Variants in HCFC2 observed in about 807,000 individuals in gnomAD.
The protein encoded by HCFC2 is host cell factor 2.
A neutral mutation model predicts 89.2 loss-of-function variants in HCFC2; 18 were observed. That is an observed-to-expected ratio of 0.20 (90% CI 0.14 to 0.30). The LOEUF (loss-of-function observed/expected upper bound fraction) is 0.30, where lower values mean the gene tolerates loss of function less well. Among genes scored for constraint, HCFC2 ranks in the 10% least tolerant of loss-of-function variants. The pLI is 1.00. For synonymous variants in HCFC2, 308 were observed against 335.7 expected, an observed-to-expected ratio of 0.92 and a Z score of 0.90; for missense variants, 578 against 956.1, an observed-to-expected ratio of 0.60 and a Z score of 5.21.
intron 3 of HCFC2, among the ~76,000 whole-genome samples, chr12:104,074,876 A>G (rs998290601): frequency 2.6e-5 from 4 of 152,210 alleles, no homozygotes; most frequent in African/African-American, 7.2e-5. Context: ...ATATTTAAAT[A>G]ACTTAATTCC....
In HCFC2 at chr12:104,093,153, T is replaced by C. The variant is rs534536062; in HGVS notation, c.1285-233T>C. ...TTTTTTCCTCAAAATATACTCTCCC[T>C]TTCCTCTTCAAAACTGATCTTTTGA... On this transcript the variant is annotated intron_variant, in intron 9 of 14. Transcript: ENST00000229330. Among the ~76,000 whole-genome samples the C allele has an allele frequency of 6.2e-3, 939 of 152,316 alleles. 8 individuals are homozygous for C. Among genetic ancestry groups the C allele is most frequent in the Non-Finnish European group, 9.9e-3 (674 of 68,018 alleles).
In HCFC2 at chr12:104,067,899, TGC is replaced by T. The variant is rs754834590; in HGVS notation, c.313-47_313-46del. On this transcript the variant is annotated intron_variant, in intron 2 of 14. Coordinates refer to ENST00000229330, the MANE Select transcript of HCFC2 (RefSeq NM_013320.3). ...TGTTGCACTATTGACAATATAGGAG[TGC>T]TTTCTTGATTTTGTCTGACTGTATT... 6 of 1,528,284 alleles carry T rather than the reference TGC, an allele frequency of 3.9e-6. No homozygotes were observed. In the East Asian group the frequency reaches 1.2e-4, roughly 30 times the overall value. 94.7% of individuals were successfully genotyped at this position (1,528,284 alleles called of 1,614,324 possible). A position where few individuals can be genotyped will look rare whatever the true frequency, so the allele number is the denominator to read the frequency against.
Position 104,102,942 on chromosome 12 carries a change from T to TG in HCFC2, c.2065-17_2065-16insG. Reference sequence around the variant, plus strand: ...AACTTAAGAACCTTTAACCTGTTTTTTCCCCCCCCCTTCAAGAATGTTGAA... The same window carrying TG: ...AACTTAAGAACCTTTAACCTGTTTTTGTCCCCCCCCCTTCAAGAATGTTGAA... On this transcript the variant is annotated splice_polypyrimidine_tract_variant and intron_variant, in intron 14 of 14. Transcript: ENST00000229330. 6 of 1,587,862 alleles carry TG rather than the reference T, an allele frequency of 3.8e-6. No individual in the cohort carries two copies. The highest frequency in any genetic ancestry group is 5.2e-6 in the Non-Finnish European group (6 of 1,163,038).
intron 2 of HCFC2, among the ~76,000 whole-genome samples, chr12:104,067,164 A>G (rs571569596): frequency 3.3e-5 from 5 of 152,320 alleles, no homozygotes; most frequent in African/African-American, 1.2e-4. Context: ...CATATTCACA[A>G]CTTTGAATAA....
intron 13 of HCFC2, among the ~76,000 whole-genome samples, chr12:104,098,868 C>T (rs1442761752): frequency 1.3e-5 from 2 of 152,028 alleles, no homozygotes; most frequent in African/African-American, 2.4e-5. Flanking sequence ...GGCGTGGTGA[C>T]GAGCATCTGT....
chr12:104,064,702 G>A lies in HCFC2; in HGVS notation c.142G>A (p.Glu48Lys). The change falls in exon 1 of 15, where the codon GAG becomes AAG. Residue 48 changes from glutamate to lysine, a missense_variant. By Grantham distance (56) the Glu-to-Lys change is moderately conservative. Transcript: ENST00000229330. This position sits in a 1 kb window ranked among gnomAD's most constrained non-coding sequence, Gnocchi z 7.3. ...AGGGGGAAATGAGGGCATCGCGGAT[G>A]AGCTGCACGTCTACAACACGGGTAG... ...FGGGNEGIAD[E>K]LHVYNTATNQ... 1 of 1,569,518 alleles carries A rather than the reference G, an allele frequency of 6.4e-7. No homozygotes were observed. The highest frequency in any genetic ancestry group is 2.6e-5 in the East Asian group (1 of 38,450).
Position 104,098,456 on chromosome 12 carries a change from A to C in HCFC2, c.1854A>C (p.Pro618=). The C allele has an allele frequency of 6.2e-7, 1 of 1,606,892 alleles. No homozygotes were observed. The highest frequency in any genetic ancestry group is 8.5e-7 in the Non-Finnish European group (1 of 1,177,032). Residue 618 remains proline (P), a synonymous_variant, in exon 13 of 15, where the codon CCA becomes CCC. Transcript: ENST00000229330. ...TALVSQFYLL[P]KGKQSISKVG... Reference sequence around the variant, plus strand: ...TGGTGAGCCAGTTTTATTTGCTGCCAAAAGGGAAGCAAAGCATCTCAAAGG... The same window carrying C: ...TGGTGAGCCAGTTTTATTTGCTGCCCAAAGGGAAGCAAAGCATCTCAAAGG...
chr12:104,066,127 T>G (rs35879815), intron 1 of HCFC2, 40 bp from the exon 2 acceptor site: 217,266 of 1,593,378 alleles, frequency 0.14, 15,526 homozygotes, highest in Middle Eastern at 0.22. Flanking sequence ...TGATAACCGT[T>G]GTTTGTTATA....
rs1156544418 is a variant in HCFC2 at position 104,086,980 on chromosome 12, A to G, written c.1197A>G (p.Ala399=). The change falls in exon 8 of 15, where the codon GCA becomes GCG. Residue 399 remains alanine (A), a synonymous_variant. Coordinates refer to ENST00000229330, the MANE Select transcript of HCFC2 (RefSeq NM_013320.3). The part of the protein sequence containing the change: ...QLSTDLPYQA[A]SSDSSAAPNM... ...GTACAGACTTGCCATACCAAGCTGC[A>G]TCATCAGATTCTTCAGCAGCACCAA... 5 of 1,614,028 alleles carry G rather than the reference A, an allele frequency of 3.1e-6. No individual in the cohort carries two copies. Among genetic ancestry groups the G allele is most frequent in the Non-Finnish European group, 4.2e-6 (5 of 1,179,892 alleles).
intron 12 of HCFC2, chr12:104,097,784 A>C (rs1884218914): frequency 4.0e-6 from 1 of 250,278 alleles, no homozygotes; most frequent in African/African-American, 2.3e-5. Context: ...AAAAAATGTA[A>C]AACTGTTTAA....
intron 9 of HCFC2, among the ~76,000 whole-genome samples, chr12:104,088,763 C>T (rs1317957487): frequency 6.6e-6 from 1 of 152,054 alleles, no homozygotes; most frequent in East Asian, 1.9e-4. Context: ...AAAGCTCATA[C>T]AGTTTGTAAG....
At chr12:104,074,913 A>G (rs1047192856) in intron 3 of HCFC2, among the ~76,000 whole-genome samples, 1 of 152,082 alleles carries the variant, frequency 6.6e-6, no homozygotes, top group Admixed American at 6.5e-5. Context: ...AATTTTCCAT[A>G]TTTACCTGGG....
At position 104,086,872 on chromosome 12, in the gene HCFC2, A is replaced by G; in HGVS notation, c.1089A>G (p.Val363=). 2 of 1,613,918 alleles carry G rather than the reference A, an allele frequency of 1.2e-6. No individual in the cohort carries two copies. The highest frequency in any genetic ancestry group is 1.7e-6 in the Non-Finnish European group (2 of 1,179,820). The change falls in exon 8 of 15, where the codon GTA becomes GTG. Residue 363 remains valine, a synonymous_variant. Transcript: ENST00000229330. ...DTEKPPAPSQ[V]QLIKATTNSF... is the part of the protein sequence containing the mutation. ...AGAAACCACCGGCACCATCTCAAGT[A>G]CAGCTGATCAAAGCCACTACCAACT...
At chr12:104,080,859 GT>G (rs746368731) in intron 5 of HCFC2, 29 bp downstream of exon 5, 13 of 1,442,582 alleles carry the variant, frequency 9.0e-6, no homozygotes, top group South Asian at 2.5e-5. Context: ...TTTTGCTTCT[GT>G]TTTTTTTAAA....
rs887438501 is a variant in HCFC2 at position 104,090,944 on chromosome 12, A to T, written c.1285-2442A>T. 5 of 152,256 alleles carry T rather than the reference A, an allele frequency of 3.3e-5. No individual in the cohort carries two copies. The South Asian group carries it at 1.0e-3, about 32-fold the overall frequency. The allele number at this position is 152,256 out of a possible 1,614,324, so 9.4% of individuals were successfully genotyped here. On this transcript the variant is annotated intron_variant, in intron 9 of 14. Transcript: ENST00000229330. The stretch of plus-strand genomic sequence containing the variant: ...TAAGTGGGCGGGGACCAACAAATGT[A>T]AGTATCAGTGGGTCTTTTTTCTTAG...
At chr12:104,079,043 C>T (rs1883598173) in intron 3 of HCFC2, among the ~76,000 whole-genome samples, 1 of 152,132 alleles carries the variant, frequency 6.6e-6, no homozygotes, top group Non-Finnish European at 1.5e-5. Context: ...AGTGTGCTTT[C>T]ACCATACCCT....
intron 7 of HCFC2, 103 bp from the exon 8 acceptor site, chr12:104,086,744 T>C (rs774825631): frequency 4.4e-6 from 4 of 913,770 alleles, no homozygotes; most frequent in East Asian, 2.6e-5. Context: ...GCAGATGAAA[T>C]GTTCATTGCT....
intron 10 of HCFC2, among the ~76,000 whole-genome samples, chr12:104,094,316 G>T (rs1884114619): frequency 6.6e-6 from 1 of 152,134 alleles, no homozygotes; most frequent in Admixed American, 6.5e-5. Context: ...CTTGTTCACT[G>T]CTAGATTCCT....
At chr12:104,066,807 A>T (rs1485311470) in intron 2 of HCFC2, among the ~76,000 whole-genome samples, 2 of 152,198 alleles carry the variant, frequency 1.3e-5, no homozygotes, top group East Asian at 3.8e-4. Flanking sequence ...GTTTGTTTAG[A>T]GACAGAGTCT....
Sources: gnomAD v4.1 joint callset for allele counts (sites outside exome capture counted in the v4.1 genomes callset) on GRCh38, gnomAD v4.1.1 for gene constraint, Gnocchi (gnomAD v3.1) non-coding constraint, MANE v1.5 for transcripts, NCBI Gene and HGNC (gene_info 2026-07-23, HGNC 2026-07-21) for gene names.